The following LAMA2 variants were observed in gnomAD, a reference collection of about 807,000 sequenced individuals.
LAMA2 encodes laminin subunit alpha 2, also known as laminin subunit alpha-2.
LAMA2 carries 269 observed loss-of-function variants against 364.8 expected under a neutral mutation model. The ratio of observed to expected loss-of-function variants is 0.74; its 90% CI spans 0.67 to 0.82. The LOEUF (loss-of-function observed/expected upper bound fraction) is 0.82. Among genes scored for constraint, LAMA2 ranks in the 40% least tolerant of loss-of-function variants. The pLI is 0.00. For synonymous variants in LAMA2, 1,379 were observed against 1,370.6 expected (o/e 1.01, Z -0.14); for missense variants, 3,807 against 3,873.2 (o/e 0.98, Z 0.45).
rs531084093 is a variant in LAMA2, at chr6:128,997,553, C to T, written c.113-52365C>T. Among the ~76,000 whole-genome samples, 397 of 151,814 alleles carry T rather than the reference C, an allele frequency of 2.6e-3. 2 individuals carry two copies. The highest frequency in any genetic ancestry group is 9.1e-3 in the African/African-American group (377 of 41,414). ...CTCACACCTGTAATTCCAGCACTTT[C>T]GGAGGCTGAGGCAGGTGGATCACTT... On this transcript the variant is annotated intron_variant, in intron 1 of 64. Coordinates refer to ENST00000421865, the MANE Select transcript of LAMA2 (RefSeq NM_000426.4).
At chr6:129,295,104 G>T (rs1773078131) in intron 20 of LAMA2, among the ~76,000 whole-genome samples, 1 of 152,078 alleles carries the variant, frequency 6.6e-6, no homozygotes, top group Admixed American at 6.6e-5. Flanking sequence ...AGCCAACCTA[G>T]CTGATCTGGA....
chr6:129,283,458 T>C (rs963933959), intron 18 of LAMA2, among the ~76,000 whole-genome samples: 1 of 151,804 alleles, frequency 6.6e-6, no homozygotes, highest in East Asian at 1.9e-4. Context: ...GTGGATTCTA[T>C]AGGACAACAT....
At chr6:129,329,699 C>A (rs1775516029) in intron 29 of LAMA2, among the ~76,000 whole-genome samples, 1 of 152,140 alleles carries the variant, frequency 6.6e-6, no homozygotes. Context: ...CTTCATTCCC[C>A]TGAGTCTGAA....
chr6:129,388,992 A>G (rs1266744386), intron 35 of LAMA2, among the ~76,000 whole-genome samples: 1 of 152,212 alleles, frequency 6.6e-6, no homozygotes, highest in Non-Finnish European at 1.5e-5. Flanking sequence ...TTGCTGGACC[A>G]GGGAGCTTTC....
rs144860334 is a variant in LAMA2, at chr6:129,514,361, C to G, written c.8989-12C>G. On this transcript the variant is annotated splice_polypyrimidine_tract_variant and intron_variant, in intron 63 of 64. Transcript: ENST00000421865. ...GAAACCATCTGTGACTGTTCTATTT[C>G]CTACTTTCCAGTTGATGTTTCATGT... 213 of 1,586,768 alleles carry G rather than the reference C, an allele frequency of 1.3e-4. No homozygotes were observed. The East Asian group carries it at 4.1e-3, about 31-fold the overall frequency.
chr6:129,435,766 T>C (rs1781801592), intron 41 of LAMA2, among the ~76,000 whole-genome samples: 1 of 152,168 alleles, frequency 6.6e-6, no homozygotes, highest in Non-Finnish European at 1.5e-5. Context: ...TTAATTAATA[T>C]GTCCCGTACT....
rs117248627 is a variant in LAMA2 at position 128,963,338 on chromosome 6, A to G, written c.112+79981A>G. 3.3e-3 allele frequency among the ~76,000 whole-genome samples: 503 copies of G among 152,244 alleles called. 2 individuals carry two copies. The highest frequency in any genetic ancestry group is 5.9e-3 in the Non-Finnish European group (402 of 67,988). Reference sequence around the variant, plus strand: ...ATAAATACCATATGGTTATATTACTACTGTGAAAATGTATGTAGAAAATGC... The same window carrying G: ...ATAAATACCATATGGTTATATTACTGCTGTGAAAATGTATGTAGAAAATGC... On this transcript the variant is annotated intron_variant, in intron 1 of 64. Transcript: ENST00000421865.
intron 1 of LAMA2, among the ~76,000 whole-genome samples, chr6:128,950,141 G>A (rs1026188492): frequency 2.0e-5 from 3 of 152,112 alleles, no homozygotes; most frequent in Non-Finnish European, 4.4e-5. Context: ...TACTGACTTC[G>A]AGTGGCATCT....
At chr6:128,897,258 AT>A (rs999434874) in intron 1 of LAMA2, among the ~76,000 whole-genome samples, 3 of 152,200 alleles carry the variant, frequency 2.0e-5, no homozygotes, top group Admixed American at 6.5e-5. Context: ...CTATGAAAAG[AT>A]TAACAATTTA....
At chr6:129,308,307 C>T (rs1774003788) in intron 22 of LAMA2, among the ~76,000 whole-genome samples, 1 of 152,148 alleles carries the variant, frequency 6.6e-6, no homozygotes, top group South Asian at 2.1e-4. Context: ...GCTTCAAATC[C>T]AAGCATCCAC....
chr6:128,903,386 G>A (rs1054722820), intron 1 of LAMA2, among the ~76,000 whole-genome samples: 14 of 152,092 alleles, frequency 9.2e-5, no homozygotes, highest in African/African-American at 2.9e-4. Context: ...TGCATTATGT[G>A]TGCTTTCAAT....
intron 14 of LAMA2, among the ~76,000 whole-genome samples, chr6:129,259,428 A>T (rs1189355389): frequency 6.6e-6 from 1 of 152,090 alleles, no homozygotes; most frequent in African/African-American, 2.4e-5. Context: ...TCTTATGGTT[A>T]CAAGATGCCA....
At chr6:129,246,315 G>A (rs1427429362) in intron 12 of LAMA2, among the ~76,000 whole-genome samples, 3 of 152,256 alleles carry the variant, frequency 2.0e-5, no homozygotes, top group East Asian at 1.9e-4. Context: ...CAGAAACATG[G>A]CTCAAAATGT....
At position 129,460,132 on chromosome 6, in the gene LAMA2, C is replaced by G. The variant is rs1489884104; in HGVS notation, c.6868-68C>G. ...ACTTTAGTTTCTGCTGATAATAACT[C>G]TCATGGATAAACCAAGATTATTTGT... On this transcript the variant is annotated intron_variant, in intron 48 of 64. Transcript: ENST00000421865. The G allele has an allele frequency of 5.4e-6, 8 of 1,477,174 alleles. No homozygotes were observed. In the Admixed American group the frequency reaches 1.2e-4, roughly 22 times the overall value. 91.5% of individuals were successfully genotyped at this position (1,477,174 alleles called of 1,614,324 possible). A position where few individuals can be genotyped will look rare whatever the true frequency, so the allele number is the denominator to read the frequency against.
intron 1 of LAMA2, among the ~76,000 whole-genome samples, chr6:128,903,812 C>T (rs997167366): frequency 3.3e-5 from 5 of 152,096 alleles, no homozygotes; most frequent in East Asian, 3.9e-4. Context: ...GGTGACAGAG[C>T]GTCTGCTGTG....
intron 4 of LAMA2, among the ~76,000 whole-genome samples, chr6:129,135,284 T>C (rs141393851): frequency 6.6e-6 from 1 of 152,164 alleles, no homozygotes; most frequent in East Asian, 1.9e-4. Flanking sequence ...GTACATGGAA[T>C]AGACTCTCAC....
chr6:129,235,142 A>G (rs1232584359), intron 12 of LAMA2, among the ~76,000 whole-genome samples: 1 of 152,200 alleles, frequency 6.6e-6, no homozygotes, highest in South Asian at 2.1e-4. Context: ...AAAGACAAGC[A>G]GGAAACTTCC....
chr6:129,339,861 G>T (rs1044951712), intron 29 of LAMA2, among the ~76,000 whole-genome samples: 4 of 151,996 alleles, frequency 2.6e-5, no homozygotes, highest in African/African-American at 9.7e-5. Context: ...AAATTAACTG[G>T]GCATGGTTAC....
At chr6:128,910,949 G>A (rs1284196611) in intron 1 of LAMA2, among the ~76,000 whole-genome samples, 2 of 151,542 alleles carry the variant, frequency 1.3e-5, no homozygotes, top group Admixed American at 6.6e-5. Context: ...TAGGCTGCTC[G>A]GGGGTCAGGG....
Sources: gnomAD v4.1 joint callset for allele counts (sites outside exome capture counted in the v4.1 genomes callset) on GRCh38, gnomAD v4.1.1 for gene constraint, MANE v1.5 for transcripts, NCBI Gene and HGNC (gene_info 2026-07-23, HGNC 2026-07-21) for gene names.